The following IL1RL1 variants were observed in gnomAD, a reference collection of about 807,000 sequenced individuals.
IL1RL1 encodes the protein interleukin-1 receptor-like 1.
A neutral mutation model predicts 50.9 loss-of-function variants in IL1RL1; 32 were observed. The ratio of observed to expected loss-of-function variants is 0.63; its 90% confidence interval spans 0.47 to 0.84. The LOEUF is 0.84. Among genes scored for constraint, IL1RL1 ranks in the 40% least tolerant of loss-of-function variants. The pLI is 0.00. For synonymous variants in IL1RL1, 275 were observed against 236.0 expected (o/e 1.17, Z -1.51); for missense variants, 773 against 662.9 (o/e 1.17, Z -1.82).
intron 1 of IL1RL1, among the ~76,000 whole-genome samples, chr2:102,322,465 A>G (rs1044886313): frequency 2.0e-5 from 3 of 152,176 alleles, no homozygotes; most frequent in Admixed American, 2.0e-4. Flanking sequence ...AAAAGGAACC[A>G]TTTCCTCTAC....
intron 5 of IL1RL1, chr2:102,341,470 T>G: frequency 2.2e-6 from 1 of 451,118 alleles, no homozygotes; most frequent in Non-Finnish European, 3.2e-6. Context: ...AGGATTGGGG[T>G]CTCCTTAGCA....
chr2:102,312,414 AC>A (rs1676544934), intron 1 of IL1RL1, among the ~76,000 whole-genome samples: 1 of 151,908 alleles, frequency 6.6e-6, no homozygotes, highest in African/African-American at 2.4e-5. Flanking sequence ...GTAATATGGG[AC>A]TTTGGTCCAA....
chr2:102,350,302 T>C (rs1302622972), intron 10 of IL1RL1, among the ~76,000 whole-genome samples: 1 of 152,266 alleles, frequency 6.6e-6, no homozygotes, highest in Non-Finnish European at 1.5e-5. Context: ...CCACAAGCTC[T>C]TCACCTCTTC....
intron 1 of IL1RL1, among the ~76,000 whole-genome samples, chr2:102,321,234 C>A (rs1045871262): frequency 6.6e-6 from 1 of 152,186 alleles, no homozygotes; most frequent in African/African-American, 2.4e-5. Flanking sequence ...ACTCTAAGAT[C>A]TTTTGTAACT....
chr2:102,342,263 T>G lies in IL1RL1; in HGVS notation c.651T>G (p.Pro217=). The G allele has an allele frequency of 6.2e-7, 1 of 1,611,848 alleles. No individual in the cohort carries two copies. The highest frequency in any genetic ancestry group is 8.5e-7 in the Non-Finnish European group (1 of 1,178,074). The change falls in exon 6 of 11, where the codon CCT becomes CCG. Residue 217 remains proline, a synonymous_variant. Transcript: ENST00000233954. The part of the protein sequence containing the change: ...GFSLFPVIGA[P]AQNEIKEVEI... ...CTCTGTTTCCAGTAATCGGAGCCCC[T>G]GCACAAAATGAAATAAAGGAAGTGG... is the stretch of plus-strand genomic sequence containing the variant.
chr2:102,345,907 A>G, intron 8 of IL1RL1: 1 of 984,978 alleles, frequency 1.0e-6, no homozygotes, highest in Non-Finnish European at 1.2e-6. Flanking sequence ...GCCCTTGTGT[A>G]CTCCTGCTTT....
In IL1RL1 at chr2:102,338,769, G is replaced by A. The variant is rs1677425799; in HGVS notation, c.62-68G>A. The stretch of plus-strand genomic sequence containing the variant: ...AAATTTAATCCTAGAAGAAAATATT[G>A]AGAGTATAAGAATTATGATCTTTTC... On this transcript the variant is annotated intron_variant, in intron 2 of 10. Transcript: ENST00000233954. The A allele has an allele frequency of 3.3e-6, 4 of 1,194,150 alleles. No individual in the cohort carries two copies. In the Admixed American group the frequency reaches 6.1e-5, roughly 18 times the overall value. The allele number at this position is 1,194,150 out of a possible 1,614,324, so 74.0% of individuals were successfully genotyped here.
At chr2:102,345,918 G>T in intron 8 of IL1RL1, 1 of 985,378 alleles carries the variant, frequency 1.0e-6, no homozygotes, top group African/African-American at 1.7e-5. Flanking sequence ...CTCCTGCTTT[G>T]CTACGTTATC....
chr2:102,324,033 G>A (rs1479277325), intron 1 of IL1RL1, among the ~76,000 whole-genome samples: 1 of 126,302 alleles, frequency 7.9e-6, no homozygotes, highest in Admixed American at 8.0e-5. Context: ...TTTTTGCTGA[G>A]TAGTGTTCCA....
Position 102,340,839 on chromosome 2 carries a change from G to A in IL1RL1, c.610+11G>A, listed in dbSNP as rs1161571168. The A allele has an allele frequency of 1.3e-6, 2 of 1,553,620 alleles. No individual in the cohort carries two copies. The highest frequency in any genetic ancestry group is 2.4e-5 in the East Asian group (1 of 42,126). On this transcript the variant is annotated intron_variant, in intron 5 of 10. Transcript: ENST00000233954. ...CCTTCACGGTCAAGGGTAAGCTACT[G>A]ACATTAATGAGATAGAATACTACGT... is the stretch of plus-strand genomic sequence containing the variant.
rs193144723 is a variant in IL1RL1, at chr2:102,316,679, C to T, written c.-150+5056C>T. Reference sequence around the variant, plus strand: ...TTATCTAAAATTATGTAAAAATTACCTAGAATTACCTAAAAAAATTGTACA... The same window carrying T: ...TTATCTAAAATTATGTAAAAATTACTTAGAATTACCTAAAAAAATTGTACA... On this transcript the variant is annotated intron_variant, in intron 1 of 10. Transcript: ENST00000233954. Among the ~76,000 whole-genome samples, 266 of 152,220 alleles carry T rather than the reference C, an allele frequency of 1.7e-3. 1 individual carries two copies. Among genetic ancestry groups the T allele is most frequent in the African/African-American group, 6.2e-3 (257 of 41,522 alleles).
At chr2:102,325,757 G>A (rs964120105) in intron 1 of IL1RL1, among the ~76,000 whole-genome samples, 10 of 152,142 alleles carry the variant, frequency 6.6e-5, no homozygotes, top group African/African-American at 1.7e-4. Context: ...TATCAGTGAC[G>A]GAAGATCAAA....
At chr2:102,350,467 G>C (rs945319311) in intron 10 of IL1RL1, among the ~76,000 whole-genome samples, 1 of 152,246 alleles carries the variant, frequency 6.6e-6, no homozygotes, top group Admixed American at 6.5e-5. Flanking sequence ...CATGTCCTCT[G>C]ACCTTTCCTC....
Position 102,351,993 on chromosome 2 carries a change from G to C in IL1RL1, c.*72G>C. 7.2e-7 allele frequency: 1 copy of C among 1,389,900 alleles called. No individual in the cohort carries two copies. The highest frequency in any genetic ancestry group is 1.4e-5 in the South Asian group (1 of 73,538). 86.1% of individuals were successfully genotyped at this position (1,389,900 alleles called of 1,614,324 possible). On this transcript the variant is annotated 3_prime_UTR_variant, in exon 11 of 11. Transcript: ENST00000233954. ...CTTCTCCTAGCTGGCTTATGCCCCT[G>C]CACTGAAGTGTGAGGAGCAGGAATA...
rs910243077 is a variant in IL1RL1, at chr2:102,345,195, T to C, written c.970+1780T>C. 3.1e-6 allele frequency: 3 copies of C among 976,876 alleles called. No homozygotes were observed. In the African/African-American group the frequency reaches 5.3e-5, roughly 17 times the overall value. 60.5% of individuals were successfully genotyped at this position (976,876 alleles called of 1,614,324 possible). A position where few individuals can be genotyped will look rare whatever the true frequency, so the allele number is the denominator to read the frequency against. On this transcript the variant is annotated intron_variant, in intron 8 of 10. Transcript: ENST00000233954. ...CCCAGACAATGTGAAACATCAGAGATGAAGTGCTCTTCCCACAGAGGTGGA... is the reference window on the plus strand; with the variant it reads ...CCCAGACAATGTGAAACATCAGAGACGAAGTGCTCTTCCCACAGAGGTGGA...
At chr2:102,311,685 A>G (rs1027555612) in intron 1 of IL1RL1, 62 bp downstream of exon 1, 11 of 142,668 alleles carry the variant, frequency 7.7e-5, no homozygotes, top group African/African-American at 2.9e-4. Context: ...AAATTTTCAC[A>G]TACGAATTTA....
At chr2:102,350,571 C>A (rs1259617494) in intron 10 of IL1RL1, among the ~76,000 whole-genome samples, 2 of 152,268 alleles carry the variant, frequency 1.3e-5, no homozygotes, top group Admixed American at 6.5e-5. Flanking sequence ...TCTCATGCAA[C>A]TTACCTTGCA....
intron 1 of IL1RL1, among the ~76,000 whole-genome samples, chr2:102,335,012 A>T (rs1363142507): frequency 2.6e-5 from 4 of 152,194 alleles, no homozygotes; most frequent in Non-Finnish European, 4.4e-5. Context: ...ATGAGCTTAG[A>T]TTCTATGAGA....
chr2:102,314,418 G>T (rs541213878), intron 1 of IL1RL1, among the ~76,000 whole-genome samples: 14 of 152,296 alleles, frequency 9.2e-5, no homozygotes, highest in African/African-American at 2.9e-4. Flanking sequence ...GCCCTGGGTA[G>T]AAAGGGATGC....
Sources: gnomAD v4.1 joint callset for allele counts (sites outside exome capture counted in the v4.1 genomes callset) on GRCh38, gnomAD v4.1.1 for gene constraint, MANE v1.5 for transcripts, NCBI Gene and HGNC (gene_info 2026-07-23, HGNC 2026-07-21) for gene names.